The following STIL variants were observed in gnomAD, a reference collection of about 807,000 sequenced individuals.
STIL encodes the protein STIL centriolar assembly protein, also known as SCL-interrupting locus protein.
Under a neutral mutation model 110.1 loss-of-function variants are expected in STIL, and 55 were observed. That is an observed-to-expected ratio of 0.50 (90% CI 0.40 to 0.63). The LOEUF is 0.63. Among genes scored for constraint, STIL ranks in the 20% least tolerant of loss-of-function variants. STIL has a pLI of 0.00. For synonymous variants in STIL, 481 were observed against 530.0 expected (o/e 0.91, Z 1.27); for missense variants, 1,358 against 1,530.0 (o/e 0.89, Z 1.87).
At chr1:47,282,278 TG>T (rs1009340765) in intron 11 of STIL, 66 bp downstream of exon 11, 46 of 930,044 alleles carry the variant, frequency 4.9e-5, no homozygotes, top group Non-Finnish European at 7.4e-5. Context: ...TATTATTTAG[TG>T]TTTTAACCAT....
chr1:47,311,752 A>T (rs1646132163), intron 1 of STIL, among the ~76,000 whole-genome samples: 1 of 152,204 alleles, frequency 6.6e-6, no homozygotes, highest in Non-Finnish European at 1.5e-5. Context: ...TCTAGGAAAA[A>T]GAAACTGTCT....
intron 2 of STIL, among the ~76,000 whole-genome samples, chr1:47,307,111 A>AC (rs1187316250): frequency 6.6e-6 from 1 of 152,202 alleles, no homozygotes; most frequent in African/African-American, 2.4e-5. Flanking sequence ...AGATCACGCC[A>AC]CCCCACTACA....
At chr1:47,314,445 A>G (rs988342389), upstream of STIL, among the ~76,000 whole-genome samples, 29 of 152,214 alleles carry the variant, frequency 1.9e-4, 1 homozygote, top group Non-Finnish European at 4.3e-4. Flanking sequence ...AGCGCAATGG[A>G]AAGCCCAGCT....
intron 10 of STIL, among the ~76,000 whole-genome samples, chr1:47,286,964 C>T (rs1645319062): frequency 6.6e-6 from 1 of 152,236 alleles, no homozygotes; most frequent in East Asian, 1.9e-4. Context: ...CTCAAGTGAT[C>T]TGCTCGCCTT....
At chr1:47,307,727 C>T (rs969452829) in intron 2 of STIL, among the ~76,000 whole-genome samples, 5 of 152,224 alleles carry the variant, frequency 3.3e-5, no homozygotes, top group South Asian at 2.1e-4. Flanking sequence ...CTCTGACCGC[C>T]GGTGAGCCAG....
chr1:47,311,914 G>A (rs968445588), intron 1 of STIL, among the ~76,000 whole-genome samples: 3 of 151,966 alleles, frequency 2.0e-5, no homozygotes, highest in African/African-American at 7.3e-5. Context: ...GGGCATGGTG[G>A]TGCACACCTG....
chr1:47,300,221 A>G, intron 5 of STIL, 69 bp from the exon 6 acceptor site: 1 of 1,380,264 alleles, frequency 7.2e-7, no homozygotes, highest in South Asian at 1.3e-5. Context: ...AGTTTATTTT[A>G]TACTGATACA....
chr1:47,291,097 C>A (rs1350991615), intron 8 of STIL, among the ~76,000 whole-genome samples: 1 of 152,194 alleles, frequency 6.6e-6, no homozygotes, highest in African/African-American at 2.4e-5. Flanking sequence ...CAGTGGCTCA[C>A]GCCTGTAATC....
chr1:47,273,334 A>C (rs1421991475), intron 12 of STIL, among the ~76,000 whole-genome samples: 1 of 152,128 alleles, frequency 6.6e-6, no homozygotes, highest in African/African-American at 2.4e-5. Context: ...CAAACCCCCA[A>C]AACTCTGTAC....
chr1:47,307,809 A>G (rs1646006062), intron 2 of STIL, among the ~76,000 whole-genome samples: 2 of 152,340 alleles, frequency 1.3e-5, no homozygotes, highest in African/African-American at 2.4e-5. Context: ...TTTTCTCAGC[A>G]TGGAATGTCC....
intron 15 of STIL, among the ~76,000 whole-genome samples, chr1:47,261,826 C>T (rs904391351): frequency 2.7e-5 from 4 of 150,536 alleles, no homozygotes; most frequent in Non-Finnish European, 5.9e-5. Flanking sequence ...GCACAAGAAT[C>T]GCTTGAACCT....
chr1:47,300,086 G>A lies in STIL; in HGVS notation c.520C>T (p.His174Tyr), dbSNP rs748812524. ...DCGKLLSLRV[H>Y]ITSRESLDSV... ...TCCAAACTCTCCCTGGAAGTGATAT[G>A]AACTCTTAGGGAAAGCAGCTTACCA... Residue 174 changes from histidine to tyrosine, a missense_variant, in exon 6 of 17, where the codon CAT (histidine) becomes TAT (tyrosine). Transcript: ENST00000371877. 2.5e-6 allele frequency: 4 copies of A among 1,614,072 alleles called. No individual in the cohort carries two copies. The South Asian group carries it at 3.3e-5, about 13-fold the overall frequency.
chr1:47,272,016 A>G, intron 13 of STIL, 60 bp downstream of exon 13: 1 of 1,571,798 alleles, frequency 6.4e-7, no homozygotes, highest in Non-Finnish European at 8.7e-7. Flanking sequence ...AAATTCAAAA[A>G]CCAGATATGA....
At chr1:47,253,567 T>C (rs1644246609) in intron 16 of STIL, among the ~76,000 whole-genome samples, 1 of 152,216 alleles carries the variant, frequency 6.6e-6, no homozygotes, top group South Asian at 2.1e-4. Flanking sequence ...TTTTCCAAGC[T>C]AAATAGTACA....
intron 2 of STIL, among the ~76,000 whole-genome samples, chr1:47,308,647 A>G (rs555283609): frequency 4.5e-4 from 69 of 152,070 alleles, no homozygotes; most frequent in African/African-American, 1.6e-3. Flanking sequence ...AGGTAGACAC[A>G]GTTAATGGGT....
At chr1:47,257,661 T>C (rs879891764) in intron 16 of STIL, among the ~76,000 whole-genome samples, 10 of 152,254 alleles carry the variant, frequency 6.6e-5, no homozygotes, top group Admixed American at 2.6e-4. Flanking sequence ...GAAATACTCC[T>C]AAAGTTAGCT....
intron 13 of STIL, among the ~76,000 whole-genome samples, chr1:47,270,645 TA>T (rs200590446): frequency 1.4e-5 from 2 of 146,400 alleles, no homozygotes; most frequent in African/African-American, 4.9e-5. Flanking sequence ...AGGCAGGTAT[TA>T]AAAAAAATCA....
At chr1:47,311,094 C>T (rs1646109572) in intron 1 of STIL, among the ~76,000 whole-genome samples, 1 of 152,026 alleles carries the variant, frequency 6.6e-6, no homozygotes, top group Non-Finnish European at 1.5e-5. Flanking sequence ...GATCCGCCCA[C>T]CTTGGCCTCC....
At position 47,272,102 on chromosome 1, in the gene STIL, T is replaced by A; in HGVS notation, c.2357A>T (p.Lys786Ile). The A allele has an allele frequency of 6.2e-7, 1 of 1,614,184 alleles. No homozygotes were observed. The highest frequency in any genetic ancestry group is 1.3e-5 in the African/African-American group (1 of 75,048). The change falls in exon 13 of 17, where the codon AAA becomes ATA. Residue 786 changes from lysine to isoleucine, a missense_variant. Transcript: ENST00000371877. Reference protein sequence around the residue: ...AQSSPGLHMRKGVSIAVSTGA... With the variant: ...AQSSPGLHMRIGVSIAVSTGA... ...TGTGCTCACAGCAATGCTTACACCTTTTCTCATGTGCAAGCCAGGGGAAGA... is the reference window on the plus strand; with the variant it reads ...TGTGCTCACAGCAATGCTTACACCTATTCTCATGTGCAAGCCAGGGGAAGA...
Sources: allele counts gnomAD v4.1 joint callset (sites outside exome capture counted in the v4.1 genomes callset), GRCh38; gene constraint gnomAD v4.1.1; transcripts MANE v1.5; gene names NCBI Gene and HGNC (gene_info 2026-07-23, HGNC 2026-07-21).